Variants in RNF43 observed in about 807,000 individuals in gnomAD.
The protein encoded by RNF43 is E3 ubiquitin-protein ligase RNF43.
In RNF43, 37 loss-of-function variants were observed where a neutral mutation model predicts 78.4. The ratio of observed to expected loss-of-function variants is 0.47; its 90% CI spans 0.36 to 0.62. RNF43 has a LOEUF of 0.62. Ranked by LOEUF, RNF43 falls within the 20% of genes least tolerant of loss-of-function variation. The pLI, the probability that RNF43 is intolerant of heterozygous loss-of-function variation, is 0.00. For synonymous variants in RNF43, 347 were observed against 395.0 expected, an observed-to-expected ratio of 0.88 and a Z score of 1.44; for missense variants, 774 against 1,007.9, an observed-to-expected ratio of 0.77 and a Z score of 3.14.
At chr17:58,367,270 A>G (rs1192939761) in intron 3 of RNF43, among the ~76,000 whole-genome samples, 1 of 152,114 alleles carries the variant, frequency 6.6e-6, no homozygotes, top group African/African-American at 2.4e-5. Flanking sequence ...AAGTGCTGGG[A>G]TTACCACACC....
At chr17:58,369,584 C>T (rs938131706) in intron 3 of RNF43, among the ~76,000 whole-genome samples, 1 of 152,248 alleles carries the variant, frequency 6.6e-6, no homozygotes, top group South Asian at 2.1e-4. Flanking sequence ...TCTGACTACA[C>T]TCCACACGTA....
At chr17:58,413,707 CTGTT>C (rs1210689701) in intron 2 of RNF43, among the ~76,000 whole-genome samples, 1 of 152,156 alleles carries the variant, frequency 6.6e-6, no homozygotes, top group Non-Finnish European at 1.5e-5. Flanking sequence ...CCAACTGGTG[CTGTT>C]TGTTTACTTT....
intron 2 of RNF43, among the ~76,000 whole-genome samples, chr17:58,390,158 C>A (rs778312239): frequency 8.5e-5 from 13 of 152,058 alleles, no homozygotes; most frequent in Non-Finnish European, 1.6e-4. Context: ...GGGAACGAGA[C>A]AAACCCCAAA....
At chr17:58,413,658 T>C (rs1018292042) in intron 2 of RNF43, among the ~76,000 whole-genome samples, 2 of 152,138 alleles carry the variant, frequency 1.3e-5, no homozygotes, top group Admixed American at 1.3e-4. Context: ...ATAGAAGACA[T>C]GATAAAGATT....
chr17:58,370,930 C>T lies in RNF43; in HGVS notation c.356G>A (p.Cys119Tyr), dbSNP rs887525436. ...GTCTACCTTGCTAGCCAGTGACAGG[C>T]AGGGGCGGGGGGCCCGTCGAGGACT... ...LESPRRAPRPCLSLASKARMA... is the reference protein window; with the variant it reads ...LESPRRAPRPYLSLASKARMA... Residue 119 changes from cysteine to tyrosine, a missense_variant, in exon 3 of 10, where the codon TGC becomes TAC. By Grantham distance (194) the Cys-to-Tyr change is radical. Coordinates refer to ENST00000407977, the MANE Select transcript of RNF43 (RefSeq NM_017763.6). The T allele has an allele frequency of 6.2e-7, 1 of 1,604,496 alleles. No homozygotes were observed.
chr17:58,380,021 G>A (rs2143556878), intron 2 of RNF43, among the ~76,000 whole-genome samples: 1 of 152,300 alleles, frequency 6.6e-6, no homozygotes, highest in Non-Finnish European at 1.5e-5. Flanking sequence ...CCATGAAATA[G>A]AATACCAAGT....
At chr17:58,389,580 G>A (rs1973507131) in intron 2 of RNF43, among the ~76,000 whole-genome samples, 1 of 152,148 alleles carries the variant, frequency 6.6e-6, no homozygotes, top group African/African-American at 2.4e-5. Flanking sequence ...CAGAGTGGGA[G>A]GCCAATATGC....
intron 2 of RNF43, among the ~76,000 whole-genome samples, chr17:58,394,403 A>C (rs979320518): frequency 6.6e-6 from 1 of 152,250 alleles, no homozygotes; most frequent in Non-Finnish European, 1.5e-5. Context: ...GATATCAAAT[A>C]GAATAATGAA....
rs140352704 is a variant in RNF43 at position 58,354,903 on chromosome 17, A to G, written c.*40T>C. 3 of 1,602,650 alleles carry G rather than the reference A, an allele frequency of 1.9e-6. No homozygotes were observed. Among genetic ancestry groups the G allele is most frequent in the African/African-American group, 2.7e-5 (2 of 74,702 alleles). ...TCTGTGCCAGGTAGGGCCCAAACAC[A>G]TCTGGAGCACACTCTTGGTTGGAGC... On this transcript the variant is annotated 3_prime_UTR_variant, in exon 10 of 10. Transcript: ENST00000407977.
Position 58,357,106 on chromosome 17 carries a change from T to C in RNF43, c.2308+362A>G. 1 of 654,510 alleles carries C rather than the reference T, an allele frequency of 1.5e-6. No homozygotes were observed. The highest frequency in any genetic ancestry group is 1.7e-5 in the South Asian group (1 of 59,958). 40.5% of individuals were successfully genotyped at this position (654,510 alleles called of 1,614,324 possible). ...ATAGGGTTTCACCATGTTGGCCAGGTTGGTCTTGAACTCCTGGCCTCAAGG... is the reference window on the plus strand; with the variant it reads ...ATAGGGTTTCACCATGTTGGCCAGGCTGGTCTTGAACTCCTGGCCTCAAGG... On this transcript the variant is annotated intron_variant, in intron 9 of 9. Coordinates refer to ENST00000407977, the MANE Select transcript of RNF43 (RefSeq NM_017763.6). The surrounding 1 kb of genome is among the most constrained non-coding windows in gnomAD (Gnocchi z 4.5).
chr17:58,356,044 G>A (rs1972678427), intron 9 of RNF43, among the ~76,000 whole-genome samples: 1 of 152,218 alleles, frequency 6.6e-6, no homozygotes, highest in Non-Finnish European at 1.5e-5. Flanking sequence ...GGAGATAGTG[G>A]TGTGGTACTG....
Position 58,353,968 on chromosome 17 carries a change from A to T in RNF43, c.*975T>A, listed in dbSNP as rs1022711927. 2 of 186,308 alleles carry T rather than the reference A, an allele frequency of 1.1e-5. No individual in the cohort carries two copies. Among genetic ancestry groups the T allele is most frequent in the African/African-American group, 4.7e-5 (2 of 42,628 alleles). The allele number at this position is 186,308 out of a possible 1,614,324, so 11.5% of individuals were successfully genotyped here. ...TCAGTGAGGCCAGACTTGTGCTCTA[A>T]TCCACTCTCCTGTGGGTCCCTGGCC... is the stretch of plus-strand genomic sequence containing the variant. On this transcript the variant is annotated 3_prime_UTR_variant, in exon 10 of 10. Transcript: ENST00000407977.
In RNF43 at chr17:58,358,304, T is replaced by A; in HGVS notation, c.1472A>T (p.His491Leu). Residue 491 changes from histidine to leucine, a missense_variant, in exon 9 of 10, where the codon CAT (histidine) becomes CTT (leucine). His to Leu is a moderately conservative substitution (Grantham distance 99). Transcript: ENST00000407977. The surrounding 1 kb of genome is among the most constrained non-coding windows in gnomAD (Gnocchi z 6.2). ...NCTDISLQGV[H>L]GSSSTFCSSL... Reference sequence around the variant, plus strand: ...GCTGCAGAAAGTAGAACTGCTGCCATGGACCCCCTGTAGGCTGATGTCCGT... The same window carrying A: ...GCTGCAGAAAGTAGAACTGCTGCCAAGGACCCCCTGTAGGCTGATGTCCGT... 4 of 1,614,156 alleles carry A rather than the reference T, an allele frequency of 2.5e-6. No homozygotes were observed. The highest frequency in any genetic ancestry group is 3.4e-6 in the Non-Finnish European group (4 of 1,180,024).
At chr17:58,405,225 A>C (rs1446853028) in intron 2 of RNF43, among the ~76,000 whole-genome samples, 1 of 151,564 alleles carries the variant, frequency 6.6e-6, no homozygotes, top group Non-Finnish European at 1.5e-5. Context: ...CTACAGGTGC[A>C]TGCCGCCATG....
intron 2 of RNF43, among the ~76,000 whole-genome samples, chr17:58,382,102 T>C (rs1377583154): frequency 1.3e-5 from 2 of 152,190 alleles, no homozygotes; most frequent in Non-Finnish European, 2.9e-5. Context: ...AAGCCATCTA[T>C]ACAAAATTCT....
At chr17:58,383,876 C>T (rs558891214) in intron 2 of RNF43, among the ~76,000 whole-genome samples, 1 of 152,302 alleles carries the variant, frequency 6.6e-6, no homozygotes, top group Admixed American at 6.5e-5. Flanking sequence ...ACTTGACCTC[C>T]CAAAGTGCTG....
At chr17:58,372,927 C>A (rs1312459442) in intron 2 of RNF43, among the ~76,000 whole-genome samples, 1 of 152,112 alleles carries the variant, frequency 6.6e-6, no homozygotes, top group Non-Finnish European at 1.5e-5. Context: ...AGGTCTGGCA[C>A]GAAAGGGAAG....
intron 2 of RNF43, among the ~76,000 whole-genome samples, chr17:58,380,690 C>A (rs977499585): frequency 2.0e-5 from 3 of 152,196 alleles, no homozygotes; most frequent in Non-Finnish European, 4.4e-5. Context: ...TATTTAAATA[C>A]GCCAGAGGCC....
intron 6 of RNF43, among the ~76,000 whole-genome samples, chr17:58,362,110 CA>C (rs987939955): frequency 1.6e-5 from 2 of 125,838 alleles, no homozygotes; most frequent in South Asian, 2.4e-4. Context: ...AACAAACAAA[CA>C]AAAAAAAACC....
Sources: allele counts gnomAD v4.1 joint callset (sites outside exome capture counted in the v4.1 genomes callset), GRCh38; gene constraint gnomAD v4.1.1; non-coding constraint Gnocchi (gnomAD v3.1); transcripts MANE v1.5; gene names NCBI Gene and HGNC (gene_info 2026-07-23, HGNC 2026-07-21).